Variants in ZFHX3 observed in about 807,000 individuals in gnomAD.
The protein encoded by ZFHX3 is zinc finger homeobox 3, also known as zinc finger homeobox protein 3.
ZFHX3 carries 42 observed loss-of-function variants against 279.1 expected under a neutral mutation model. That is an observed-to-expected ratio of 0.15 (90% CI 0.12 to 0.19). ZFHX3 has a LOEUF of 0.19. Ranked by LOEUF, ZFHX3 falls within the 10% of genes least tolerant of loss-of-function variation. The pLI is 1.00. For synonymous variants in ZFHX3, 2,293 were observed against 1,957.8 expected (o/e 1.17, Z -4.52); for missense variants, 4,981 against 4,754.0 (o/e 1.05, Z -1.40).
chr16:73,592,397 T>C (rs1449357206), intron 2 of ZFHX3, among the ~76,000 whole-genome samples: 3 of 152,162 alleles, frequency 2.0e-5, no homozygotes, highest in Non-Finnish European at 2.9e-5. Flanking sequence ...GATATTATGA[T>C]TGACAGTTGC....
intron 3 of ZFHX3, among the ~76,000 whole-genome samples, chr16:73,444,070 C>T (rs2018140948): frequency 6.6e-6 from 1 of 152,206 alleles, no homozygotes; most frequent in Non-Finnish European, 1.5e-5. Flanking sequence ...CCTTCGCTTT[C>T]TCTTGGTCAA....
chr16:73,472,725 G>C (rs538793091), intron 2 of ZFHX3, among the ~76,000 whole-genome samples: 2 of 152,172 alleles, frequency 1.3e-5, no homozygotes, highest in African/African-American at 4.8e-5. Flanking sequence ...GCGATCAGGG[G>C]ATTGGTTAGT....
chr16:73,051,567 C>T (rs1965450638), upstream of ZFHX3, among the ~76,000 whole-genome samples: 1 of 152,192 alleles, frequency 6.6e-6, no homozygotes, highest in African/African-American at 2.4e-5. Context: ...TTAATTTTTA[C>T]CCCCAAATCG....
chr16:73,496,303 G>C (rs2019141216), intron 2 of ZFHX3, among the ~76,000 whole-genome samples: 2 of 152,204 alleles, frequency 1.3e-5, no homozygotes, highest in Non-Finnish European at 2.9e-5. Context: ...GGCCGAGGCA[G>C]GCAGATCACT....
At chr16:73,208,162 C>T (rs147878159) in intron 5 of ZFHX3, among the ~76,000 whole-genome samples, 1 of 152,230 alleles carries the variant, frequency 6.6e-6, no homozygotes, top group African/African-American at 2.4e-5. Flanking sequence ...TTATGTCTGC[C>T]CCAAAACGTT....
chr16:73,146,603 C>T (rs1416624635), intron 5 of ZFHX3, among the ~76,000 whole-genome samples: 1 of 152,036 alleles, frequency 6.6e-6, no homozygotes, highest in East Asian at 1.9e-4. Flanking sequence ...CTTGAGAAAA[C>T]CATATGAACA....
chr16:73,578,603 C>T (rs1463673976), intron 2 of ZFHX3, among the ~76,000 whole-genome samples: 1 of 152,068 alleles, frequency 6.6e-6, no homozygotes, highest in Non-Finnish European at 1.5e-5. Flanking sequence ...GACAAGGAAA[C>T]AGACACCCAA....
At chr16:73,416,792 T>C (rs1435472404) in intron 3 of ZFHX3, among the ~76,000 whole-genome samples, 1 of 146,290 alleles carries the variant, frequency 6.8e-6, no homozygotes, top group Non-Finnish European at 1.5e-5. Context: ...GAGAATGGCG[T>C]GAACTCGGGA....
At chr16:73,485,969 A>T (rs2018966803) in intron 2 of ZFHX3, among the ~76,000 whole-genome samples, 1 of 152,088 alleles carries the variant, frequency 6.6e-6, no homozygotes, top group African/African-American at 2.4e-5. Flanking sequence ...AGCAGGGACC[A>T]CCTCTCTTGT....
intron 2 of ZFHX3, among the ~76,000 whole-genome samples, chr16:73,604,500 C>G (rs922532266): frequency 8.5e-5 from 13 of 152,068 alleles, no homozygotes; most frequent in African/African-American, 3.1e-4. Context: ...AATCCCAGCA[C>G]TTTGGGAGGT....
intron 1 of ZFHX3, among the ~76,000 whole-genome samples, chr16:73,766,750 G>C (rs528303040): frequency 6.6e-6 from 1 of 151,988 alleles, no homozygotes; most frequent in South Asian, 2.1e-4. Flanking sequence ...AAGTGACATG[G>C]GTCCCCAGGA....
chr16:73,849,216 A>G (rs1313590812), intron 1 of ZFHX3, among the ~76,000 whole-genome samples: 2 of 152,240 alleles, frequency 1.3e-5, no homozygotes, highest in African/African-American at 2.4e-5. Flanking sequence ...TGTGACGTCA[A>G]TTCACATCCT....
At chr16:73,685,964 TG>T (rs1314896505) in intron 1 of ZFHX3, among the ~76,000 whole-genome samples, 1 of 152,228 alleles carries the variant, frequency 6.6e-6, no homozygotes, top group Non-Finnish European at 1.5e-5. Context: ...GAAAAAGAAA[TG>T]TGTTCATGTA....
At chr16:73,282,254 C>T (rs1453599208) in intron 4 of ZFHX3, among the ~76,000 whole-genome samples, 1 of 152,212 alleles carries the variant, frequency 6.6e-6, no homozygotes, top group African/African-American at 2.4e-5. Context: ...ATCTGATCTT[C>T]ATCCTGGAAG....
At chr16:73,857,171 A>C (rs1167759896) in intron 1 of ZFHX3, among the ~76,000 whole-genome samples, 1 of 152,262 alleles carries the variant, frequency 6.6e-6, no homozygotes, top group East Asian at 1.9e-4. Flanking sequence ...TATCAACTTC[A>C]GAGTTTTATC....
chr16:72,967,570 T>A (rs1013094780), intron 1 of ZFHX3, among the ~76,000 whole-genome samples: 2 of 152,068 alleles, frequency 1.3e-5, no homozygotes, highest in African/African-American at 2.4e-5. Context: ...CATCATCATC[T>A]TCATCATCAT....
At chr16:73,622,540 C>A (rs149189487) in intron 2 of ZFHX3, among the ~76,000 whole-genome samples, 1 of 151,204 alleles carries the variant, frequency 6.6e-6, no homozygotes, top group Non-Finnish European at 1.5e-5. Flanking sequence ...CCAGCTTGGG[C>A]GACAGAGTGA....
intron 2 of ZFHX3, among the ~76,000 whole-genome samples, chr16:73,580,115 G>T (rs1183393213): frequency 6.6e-6 from 1 of 151,290 alleles, no homozygotes; most frequent in African/African-American, 2.4e-5. Context: ...ATTCTATTAG[G>T]TGTCTTAAAA....
rs1394901601 is a variant in ZFHX3 at position 72,958,986 on chromosome 16, G to C, written c.1160C>G (p.Pro387Arg). Residue 387 changes from proline (P) to arginine (R), a missense_variant, in exon 2 of 10, where the codon CCC (proline) becomes CGC (arginine). Pro to Arg is a moderately radical substitution (Grantham distance 103). Transcript: ENST00000268489. Reference protein sequence around the residue: ...EALPAGSAAGPEQPQAGLLTP... With the variant: ...EALPAGSAAGREQPQAGLLTP... Reference sequence around the variant, plus strand: ...CAAGAGACCAGCCTGGGGCTGCTCGGGGCCAGCGGCGGAGCCCGCTGGGAG... The same window carrying C: ...CAAGAGACCAGCCTGGGGCTGCTCGCGGCCAGCGGCGGAGCCCGCTGGGAG... The C allele has an allele frequency of 6.2e-7, 1 of 1,606,496 alleles. No homozygotes were observed. The highest frequency in any genetic ancestry group is 2.2e-5 in the East Asian group (1 of 44,832).
Sources: gnomAD v4.1 joint callset for allele counts (sites outside exome capture counted in the v4.1 genomes callset) on GRCh38, gnomAD v4.1.1 for gene constraint, MANE v1.5 for transcripts, NCBI Gene and HGNC (gene_info 2026-07-23, HGNC 2026-07-21) for gene names.